CCDC30: variants seen among roughly 807,000 people sequenced by gnomAD.
The protein encoded by CCDC30 is coiled-coil domain containing 30, also known as coiled-coil domain-containing protein 30.
In CCDC30, 70 loss-of-function variants were observed where a neutral mutation model predicts 100.2. The ratio of observed to expected loss-of-function variants is 0.70; its 90% CI spans 0.58 to 0.85. The LOEUF (loss-of-function observed/expected upper bound fraction) is 0.85, where lower values mean the gene tolerates loss of function less well. Among genes scored for constraint, CCDC30 ranks in the 40% least tolerant of loss-of-function variants. CCDC30 has a pLI of 0.00. For missense variants in CCDC30, 652 were observed against 771.2 expected (o/e 0.85, Z 1.83); for synonymous variants, 233 against 269.5 (o/e 0.86, Z 1.33).
At chr1:42,531,345 ACC>A (rs900714269) in intron 6 of CCDC30, among the ~76,000 whole-genome samples, 2 of 152,148 alleles carry the variant, frequency 1.3e-5, no homozygotes, top group Admixed American at 1.3e-4. Context: ...TTTATAAATT[ACC>A]CAGTCTCAGG....
chr1:42,569,492 G>T (rs560593027), intron 7 of CCDC30, among the ~76,000 whole-genome samples: 1 of 152,332 alleles, frequency 6.6e-6, no homozygotes, highest in African/African-American at 2.4e-5. Context: ...TGCTGGCGAG[G>T]ATGTGGTGAA....
intron 1 of CCDC30, chr1:42,473,296 CA>C (rs1643827487): frequency 8.1e-7 from 1 of 1,228,764 alleles, no homozygotes; most frequent in Non-Finnish European, 1.0e-6. Flanking sequence ...ATGGGTGAAA[CA>C]AAAGAAGTGA....
chr1:42,649,013 T>G (rs755449589), intron 15 of CCDC30, among the ~76,000 whole-genome samples: 19 of 151,842 alleles, frequency 1.3e-4, no homozygotes, highest in Middle Eastern at 3.4e-3. Context: ...AATAGAAAAC[T>G]TCAACAAACG....
upstream of CCDC30, among the ~76,000 whole-genome samples, chr1:42,461,642 G>C (rs1557780627): frequency 6.6e-6 from 1 of 151,740 alleles, no homozygotes; most frequent in Non-Finnish European, 1.5e-5. Context: ...TGCCTCCCGG[G>C]TTCACACCAT....
intron 15 of CCDC30, among the ~76,000 whole-genome samples, 153 bp from the exon 20 acceptor site, chr1:42,653,223 G>A (rs1439732756): frequency 6.6e-6 from 1 of 151,892 alleles, no homozygotes; most frequent in Non-Finnish European, 1.5e-5. Flanking sequence ...GAGAGAGAGG[G>A]CAACCAGCTT....
At chr1:42,538,300 A>G (rs1644947166) in intron 6 of CCDC30, among the ~76,000 whole-genome samples, 1 of 151,688 alleles carries the variant, frequency 6.6e-6, no homozygotes, top group South Asian at 2.1e-4. Context: ...ACTGCACTCC[A>G]GTGTGGGTGA....
intron 6 of CCDC30, chr1:42,537,259 A>G: frequency 2.2e-6 from 1 of 456,286 alleles, no homozygotes; most frequent in South Asian, 1.5e-5. Context: ...CAGGAGACAT[A>G]ATCAGCCTAT....
At chr1:42,619,068 G>A (rs1026988335) in intron 11 of CCDC30, among the ~76,000 whole-genome samples, 16 of 152,186 alleles carry the variant, frequency 1.1e-4, no homozygotes, top group Admixed American at 2.0e-4. Context: ...AAAAAAAATC[G>A]GGGTATATAA....
chr1:42,462,426 T>C (rs564208555), upstream of CCDC30, among the ~76,000 whole-genome samples: 7 of 152,278 alleles, frequency 4.6e-5, no homozygotes, highest in East Asian at 7.7e-4. Context: ...AAAAAACACT[T>C]GCAAGAGGTC....
At chr1:42,466,002 C>G (rs537395389) in intron 1 of CCDC30, among the ~76,000 whole-genome samples, 1 of 152,246 alleles carries the variant, frequency 6.6e-6, no homozygotes, top group South Asian at 2.1e-4. Context: ...TTTTACATTG[C>G]TACAGTGTTT....
chr1:42,499,690 G>A (rs192996676), intron 6 of CCDC30, among the ~76,000 whole-genome samples: 1 of 151,882 alleles, frequency 6.6e-6, no homozygotes, highest in East Asian at 1.9e-4. Flanking sequence ...ATGTTGTCCA[G>A]GCCAGTCTCA....
At chr1:42,503,289 G>C (rs1281388784) in intron 6 of CCDC30, among the ~76,000 whole-genome samples, 1 of 152,178 alleles carries the variant, frequency 6.6e-6, no homozygotes, top group Admixed American at 6.5e-5. Flanking sequence ...GGAGTGGAAA[G>C]TTTAATAGGC....
intron 2 of CCDC30, 145 bp from the exon 3 acceptor site, chr1:42,482,516 CAT>C: frequency 2.4e-6 from 1 of 418,470 alleles, no homozygotes; most frequent in Non-Finnish European, 4.0e-6. Context: ...GACACACACA[CAT>C]ACACACACAC....
intron 11 of CCDC30, among the ~76,000 whole-genome samples, chr1:42,626,306 T>A (rs1447229867): frequency 6.6e-6 from 1 of 152,170 alleles, no homozygotes; most frequent in East Asian, 1.9e-4. Flanking sequence ...TTTAATCCAT[T>A]CAGCCAGTCT....
At chr1:42,539,582 G>T (rs1209362681) in intron 6 of CCDC30, among the ~76,000 whole-genome samples, 1 of 151,870 alleles carries the variant, frequency 6.6e-6, no homozygotes, top group Non-Finnish European at 1.5e-5. Flanking sequence ...CTTAATTTTT[G>T]GAGTACATAT....
chr1:42,641,260 T>G (rs1377839003), intron 12 of CCDC30, among the ~76,000 whole-genome samples: 2 of 141,602 alleles, frequency 1.4e-5, no homozygotes, highest in Non-Finnish European at 3.1e-5. Context: ...TGTGTGTGTG[T>G]GGAGACGGGG....
At chr1:42,621,123 A>G (rs917471642) in intron 11 of CCDC30, among the ~76,000 whole-genome samples, 6 of 152,222 alleles carry the variant, frequency 3.9e-5, no homozygotes, top group Non-Finnish European at 8.8e-5. Flanking sequence ...CAGAAGTTAC[A>G]AGTGGATTTT....
chr1:42,559,396 C>T (rs1247371216), intron 6 of CCDC30, among the ~76,000 whole-genome samples: 1 of 152,008 alleles, frequency 6.6e-6, no homozygotes, highest in African/African-American at 2.4e-5. Flanking sequence ...GTTCAGGAGA[C>T]CCATCTTATG....
At position 42,581,575 on chromosome 1, in the gene CCDC30, T is replaced by C. The variant is rs1180551488; in HGVS notation, c.1001+61T>C. On this transcript the variant is annotated intron_variant, in intron 9 of 16. Coordinates refer to ENST00000668663, the Ensembl canonical transcript of CCDC30. ...TAGCCATGACTGAGTTAATCAGCAA[T>C]ATCAATTTTTTCTAACAGAATATCA... The C allele has an allele frequency of 3.4e-6, 5 of 1,478,204 alleles. No individual in the cohort carries two copies. The Admixed American group carries it at 1.1e-4, about 31-fold the overall frequency. The allele number at this position is 1,478,204 out of a possible 1,614,324, so 91.6% of individuals were successfully genotyped here.
Sources: gnomAD v4.1 joint callset for allele counts (sites outside exome capture counted in the v4.1 genomes callset) on GRCh38, gnomAD v4.1.1 for gene constraint, MANE v1.5 for transcripts, NCBI Gene and HGNC (gene_info 2026-07-23, HGNC 2026-07-21) for gene names.